The following NME3 variants were observed in gnomAD, a reference collection of about 807,000 sequenced individuals.
NME3 encodes nucleoside diphosphate kinase C.
A neutral mutation model predicts 15.8 loss-of-function variants in NME3; 23 were observed. The observed-to-expected ratio is 1.45, with a 90% CI of 1.05 to 2.06. The LOEUF is 2.06. Among genes scored for constraint, NME3 ranks in the 30% most tolerant of loss-of-function variants. The pLI, the probability that NME3 is intolerant of heterozygous loss-of-function variation, is 0.00. For missense variants in NME3, 354 were observed against 243.2 expected, an observed-to-expected ratio of 1.46 and a Z score of -3.03; for synonymous variants, 157 against 104.4, an observed-to-expected ratio of 1.50 and a Z score of -3.07.
intron 4 of NME3, 57 bp from the exon 5 acceptor site, chr16:1,770,823 G>A: frequency 1.9e-6 from 3 of 1,578,004 alleles, no homozygotes; most frequent in South Asian, 1.1e-5. Flanking sequence ...CGGGTACCAC[G>A]CAGGCTGAAC....
At position 1,771,429 on chromosome 16, in the gene NME3, C is replaced by CG; in HGVS notation, c.47-20dup. The CG allele has an allele frequency of 6.6e-7, 1 of 1,518,552 alleles. No homozygotes were observed. The highest frequency in any genetic ancestry group is 8.8e-7 in the Non-Finnish European group (1 of 1,135,998). 94.1% of individuals were successfully genotyped at this position (1,518,552 alleles called of 1,614,324 possible). ...GTGCAGGCTGCGGGGCAGGCGGGGA[C>CG]GGGCCGTCAGGCCGGCCCAGCACCG... On this transcript the variant is annotated intron_variant, in intron 1 of 4. Transcript: ENST00000219302.
intron 2 of NME3, 27 bp from the exon 3 acceptor site, chr16:1,771,198 C>G: frequency 6.3e-7 from 1 of 1,581,006 alleles, no homozygotes; most frequent in South Asian, 1.1e-5. Context: ...CCGCCTGCGC[C>G]CGCACCCGGC....
Position 1,770,718 on chromosome 16 carries a change from G to A in NME3, c.441C>T (p.Ile147=), listed in dbSNP as rs1179556353. ...GCTCGTCTGCGCGGAACCAGAGAGC[G>A]ATCTCGCGGCGGGCACTCTCCACCG... ...SDSVESARRE[I]ALWFRADELL... Residue 147 remains isoleucine (I), a synonymous_variant, in exon 5 of 5, where the codon ATC becomes ATT. Coordinates refer to ENST00000219302, the MANE Select transcript of NME3 (RefSeq NM_002513.3). 19 of 1,593,092 alleles carry A rather than the reference G, an allele frequency of 1.2e-5. No individual in the cohort carries two copies. The highest frequency in any genetic ancestry group is 1.5e-5 in the Non-Finnish European group (18 of 1,171,012).
chr16:1,771,112 G>A lies in NME3; in HGVS notation c.237C>T (p.Gly79=), dbSNP rs986405948. The change falls in exon 3 of 5, where the codon GGC becomes GGT. Residue 79 remains glycine (G), a synonymous_variant. Transcript: ENST00000219302. The stretch of plus-strand genomic sequence containing the variant: ...CGGAGGCCATATACTTGACAAGGCG[G>A]CCGTAGAACGGGCGTTCACGCAGCT... The part of the protein sequence containing the change: ...YAELRERPFY[G]RLVKYMASGP... 2 of 1,610,016 alleles carry A rather than the reference G, an allele frequency of 1.2e-6. No homozygotes were observed. The highest frequency in any genetic ancestry group is 2.2e-5 in the South Asian group (2 of 90,916).
rs780365113 is a variant in NME3, at chr16:1,770,933, C to T, written c.340G>A (p.Ala114Thr). ...SRALIGATNP[A>T]DAPPGTIRGD... is the part of the protein sequence containing the mutation. ...CGGATGGTGCCGGGCGGGGCGTCGG[C>T]CGGGTTCGTGGCTCCGATGAGCGCC... is the stretch of plus-strand genomic sequence containing the variant. The change falls in exon 4 of 5, where the codon GCC becomes ACC. Residue 114 changes from alanine (A) to threonine (T), a missense_variant. Transcript: ENST00000219302. The T allele has an allele frequency of 4.4e-6, 7 of 1,588,350 alleles. No homozygotes were observed. The highest frequency in any genetic ancestry group is 1.3e-5 in the African/African-American group (1 of 74,390).
chr16:1,770,469 C>T lies in NME3; in HGVS notation c.*180G>A, dbSNP rs550969368. On this transcript the variant is annotated 3_prime_UTR_variant, in exon 5 of 5. Transcript: ENST00000219302. ...TGGAGCAGCTCCTCGGGCAGGAAAC[C>T]CTGTACGCCAGGGATTGGAGAGGCC... 6.1e-5 allele frequency: 30 copies of T among 491,048 alleles called. No homozygotes were observed. Among genetic ancestry groups the T allele is most frequent in the Admixed American group, 1.9e-4 (5 of 25,708 alleles). The allele number at this position is 491,048 out of a possible 1,614,324, so 30.4% of individuals were successfully genotyped here.
In NME3 at chr16:1,771,187, G is replaced by T. The variant is rs552873632; in HGVS notation, c.178-16C>A. On this transcript the variant is annotated splice_polypyrimidine_tract_variant and intron_variant, in intron 2 of 4. Coordinates refer to ENST00000219302, the MANE Select transcript of NME3 (RefSeq NM_002513.3). ...CCTCGGAGGCCTGCGGAAGGGTCAGGCCGCCTGCGCCCGCACCCGGCACCT... is the reference window on the plus strand; with the variant it reads ...CCTCGGAGGCCTGCGGAAGGGTCAGTCCGCCTGCGCCCGCACCCGGCACCT... 34 of 1,586,904 alleles carry T rather than the reference G, an allele frequency of 2.1e-5. No homozygotes were observed. In the East Asian group the frequency reaches 7.6e-4, roughly 35 times the overall value.
At position 1,771,125 on chromosome 16, in the gene NME3, C is replaced by CGTTCACGCAGCTCGGCGTAGT. The variant is rs1205062284; in HGVS notation, c.203_223dup (p.His68_Glu74dup). 3 of 1,609,316 alleles carry CGTTCACGCAGCTCGGCGTAGT rather than the reference C, an allele frequency of 1.9e-6. No homozygotes were observed. The highest frequency in any genetic ancestry group is 1.7e-5 in the Admixed American group (1 of 59,912). On this transcript the variant is annotated inframe_insertion, in exon 3 of 5. Coordinates refer to ENST00000219302, the MANE Select transcript of NME3 (RefSeq NM_002513.3). ...CTTGACAAGGCGGCCGTAGAACGGG[C>CGTTCACGCAGCTCGGCGTAGT]GTTCACGCAGCTCGGCGTAGTGCTC...
Position 1,770,894 on chromosome 16 carries a change from T to C in NME3, c.379A>G (p.Ile127Val), listed in dbSNP as rs375429058. 5.1e-6 allele frequency: 8 copies of C among 1,581,460 alleles called. No homozygotes were observed. In the Admixed American group the frequency reaches 1.0e-4, roughly 21 times the overall value. Residue 127 changes from isoleucine (I) to valine (V), a missense_variant, in exon 4 of 5, where the codon ATC (isoleucine) becomes GTC (valine). Physicochemically the swap from Ile to Val is conservative, Grantham distance 29. Coordinates refer to ENST00000219302, the MANE Select transcript of NME3 (RefSeq NM_002513.3). ...PPGTIRGDFC[I>V]EVGKNLIHGS... is the part of the protein sequence containing the mutation. ...GGCGGGCCTTACTTGCCAACCTCGATGCAGAAATCCCCGCGGATGGTGCCG... is the reference window on the plus strand; with the variant it reads ...GGCGGGCCTTACTTGCCAACCTCGACGCAGAAATCCCCGCGGATGGTGCCG...
In NME3 at chr16:1,771,141, C is replaced by G. The variant is rs1411281409; in HGVS notation, c.208G>C (p.Ala70Pro). ...ASEELLREHY[A>P]ELRERPFYGR... ...TAGAACGGGCGTTCACGCAGCTCGG[C>G]GTAGTGCTCACGCAGCAGCTCCTCG... Residue 70 changes from alanine to proline, a missense_variant, in exon 3 of 5, where the codon GCC (alanine) becomes CCC (proline). By Grantham distance (27) the Ala-to-Pro change is conservative (BLOSUM62 -1). Transcript: ENST00000219302. 1 of 1,607,568 alleles carries G rather than the reference C, an allele frequency of 6.2e-7. No individual in the cohort carries two copies. The highest frequency in any genetic ancestry group is 1.1e-5 in the South Asian group (1 of 90,734).
rs2042601898 is a variant in NME3 at position 1,771,479 on chromosome 16, C to T, written c.46+10G>A. 2 of 1,325,698 alleles carry T rather than the reference C, an allele frequency of 1.5e-6. No homozygotes were observed. The highest frequency in any genetic ancestry group is 2.4e-5 in the South Asian group (1 of 41,206). The allele number at this position is 1,325,698 out of a possible 1,614,324, so 82.1% of individuals were successfully genotyped here. On this transcript the variant is annotated intron_variant, in intron 1 of 4. Coordinates refer to ENST00000219302, the MANE Select transcript of NME3 (RefSeq NM_002513.3). ...GGCCACCCGCCCCCGGCCCGCGCCG[C>T]GCGGCTCACCCGCGGGGAAGAGGTT...
chr16:1,771,084 G>C lies in NME3; in HGVS notation c.265C>G (p.Pro89Ala). 1.9e-6 allele frequency: 3 copies of C among 1,608,684 alleles called. No individual in the cohort carries two copies. Among genetic ancestry groups the C allele is most frequent in the Non-Finnish European group, 2.5e-6 (3 of 1,178,028 alleles). Residue 89 changes from proline to alanine, a missense_variant, in exon 3 of 5, where the codon CCG becomes GCG. Pro to Ala is a conservative substitution (Grantham distance 27, BLOSUM62 -1). Coordinates refer to ENST00000219302, the MANE Select transcript of NME3 (RefSeq NM_002513.3). ...CGGATACTCACCATGGCCACCACCG[G>C]CCCGGAGGCCATATACTTGACAAGG... is the stretch of plus-strand genomic sequence containing the variant. ...GRLVKYMASG[P>A]VVAMVWQGLD...
rs1424880145 is a variant in NME3 at position 1,770,399 on chromosome 16, C to G, written c.*250G>C. 1 of 421,668 alleles carries G rather than the reference C, an allele frequency of 2.4e-6. No individual in the cohort carries two copies. The highest frequency in any genetic ancestry group is 4.2e-6 in the Non-Finnish European group (1 of 238,048). 26.1% of individuals were successfully genotyped at this position (421,668 alleles called of 1,614,324 possible). ...CGTTGGACCACGTTGGGCTGGGCAC[C>G]AGGACAGTGTCCTGGCACGTTTCCA... On this transcript the variant is annotated 3_prime_UTR_variant, in exon 5 of 5. Transcript: ENST00000219302.
rs1421707496 is a variant in NME3 at position 1,770,681 on chromosome 16, C to T, written c.478G>A (p.Glu160Lys). ...WFRADELLCW[E>K]DSAGHWLYE is the part of the protein sequence containing the mutation. The stretch of plus-strand genomic sequence containing the variant: ...TACAGCCAGTGCCCAGCGCTGTCCT[C>T]CCAGCAGAGGAGCTCGTCTGCGCGG... The change falls in exon 5 of 5, where the codon GAG (glutamate) becomes AAG (lysine). Residue 160 changes from glutamate to lysine, a missense_variant. Coordinates refer to ENST00000219302, the MANE Select transcript of NME3 (RefSeq NM_002513.3). 1.3e-6 allele frequency: 2 copies of T among 1,585,064 alleles called. No individual in the cohort carries two copies. The highest frequency in any genetic ancestry group is 2.3e-5 in the South Asian group (2 of 87,612).
In NME3 at chr16:1,770,603, G is replaced by C; in HGVS notation, c.*46C>G. ...CCAGAAGCCCGCCCACCTGGGCCCT[G>C]GAGGAGGCTGGAGTGTGAGAGCCTC... On this transcript the variant is annotated 3_prime_UTR_variant, in exon 5 of 5. Coordinates refer to ENST00000219302, the MANE Select transcript of NME3 (RefSeq NM_002513.3). 1 of 1,461,346 alleles carries C rather than the reference G, an allele frequency of 6.8e-7. No homozygotes were observed. Among genetic ancestry groups the C allele is most frequent in the East Asian group, 2.4e-5 (1 of 41,798 alleles). 90.5% of individuals were successfully genotyped at this position (1,461,346 alleles called of 1,614,324 possible).
rs777829852 is a variant in NME3, at chr16:1,771,059, C to T, written c.279+11G>A. 4 of 1,602,966 alleles carry T rather than the reference C, an allele frequency of 2.5e-6. No homozygotes were observed. The highest frequency in any genetic ancestry group is 1.1e-5 in the South Asian group (1 of 90,488). ...GTCCCGGAGCCGCCCGCCCGCTTCC[C>T]GGATACTCACCATGGCCACCACCGG... On this transcript the variant is annotated intron_variant, in intron 3 of 4. Transcript: ENST00000219302.
rs11543212 is a variant in NME3 at position 1,770,547 on chromosome 16, A to G, written c.*102T>C. The G allele has an allele frequency of 3.4e-6, 3 of 872,446 alleles. No homozygotes were observed. The highest frequency in any genetic ancestry group is 1.8e-5 in the South Asian group (1 of 56,622). The allele number at this position is 872,446 out of a possible 1,614,324, so 54.0% of individuals were successfully genotyped here. Reference sequence around the variant, plus strand: ...CAGGTGGATGTTCAGCAGCCCGTCCAAAGGGATGCTCCAAGCGCTGTGGGG... The same window carrying G: ...CAGGTGGATGTTCAGCAGCCCGTCCGAAGGGATGCTCCAAGCGCTGTGGGG... On this transcript the variant is annotated 3_prime_UTR_variant, in exon 5 of 5. Transcript: ENST00000219302.
In NME3 at chr16:1,770,986, T is replaced by C. The variant is rs1046077939; in HGVS notation, c.287A>G (p.Gln96Arg). The part of the protein sequence containing the change: ...ASGPVVAMVW[Q>R]GLDVVRTSRA... The stretch of plus-strand genomic sequence containing the variant: ...CGAGGTGCGCACCACGTCCAGCCCC[T>C]GCCATACCTGTGCGGAGGAACGGGC... The change falls in exon 4 of 5, where the codon CAG becomes CGG. Residue 96 changes from glutamine to arginine, a missense_variant. Physicochemically the swap from Gln to Arg is conservative, Grantham distance 43. Transcript: ENST00000219302. 1 of 1,591,380 alleles carries C rather than the reference T, an allele frequency of 6.3e-7. No individual in the cohort carries two copies. Among genetic ancestry groups the C allele is most frequent in the Non-Finnish European group, 8.6e-7 (1 of 1,165,714 alleles).
In NME3 at chr16:1,771,540, C is replaced by T. The variant is rs1330839972; in HGVS notation, c.-6G>A. The T allele has an allele frequency of 8.8e-7, 1 of 1,130,612 alleles. No individual in the cohort carries two copies. 70.0% of individuals were successfully genotyped at this position (1,130,612 alleles called of 1,614,324 possible). A position where few individuals can be genotyped will look rare whatever the true frequency, so the allele number is the denominator to read the frequency against. On this transcript the variant is annotated 5_prime_UTR_variant, in exon 1 of 5. Transcript: ENST00000219302. ...GTCAGCACCAGGCAGATCATGATGG[C>T]GGTGCGGGAGCGGGATCCGCGGGGC...
Sources: gnomAD v4.1 joint callset for allele counts on GRCh38, gnomAD v4.1.1 for gene constraint, MANE v1.5 for transcripts, NCBI Gene and HGNC (gene_info 2026-07-23, HGNC 2026-07-21) for gene names.